Variants in CARD14 observed in about 807,000 individuals in gnomAD.
CARD14 encodes caspase recruitment domain-containing protein 14.
Under a neutral mutation model 111.5 loss-of-function variants are expected in CARD14, and 107 were observed. The ratio of observed to expected loss-of-function variants is 0.96; its 90% CI spans 0.82 to 1.13. The LOEUF (loss-of-function observed/expected upper bound fraction) is 1.13. CARD14 is among the 50% of genes most tolerant of loss of function. The pLI is 0.00. For synonymous variants in CARD14, 617 were observed against 579.6 expected (o/e 1.06, Z -0.93); for missense variants, 1,322 against 1,362.3 (o/e 0.97, Z 0.47).
At chr17:80,207,350 A>G (rs2041384429) in intron 23 of CARD14, among the ~76,000 whole-genome samples, 1 of 152,248 alleles carries the variant, frequency 6.6e-6, no homozygotes. Flanking sequence ...CAGCAGTTCG[A>G]GACCAGCCTG....
chr17:80,206,145 C>T (rs527601968), intron 22 of CARD14, among the ~76,000 whole-genome samples: 3 of 152,322 alleles, frequency 2.0e-5, no homozygotes, highest in South Asian at 4.1e-4. Flanking sequence ...ACTCTTAATA[C>T]TGCATAGCAC....
At chr17:80,193,138 G>A (rs534158306) in intron 12 of CARD14, among the ~76,000 whole-genome samples, 9 of 152,332 alleles carry the variant, frequency 5.9e-5, no homozygotes, top group Non-Finnish European at 1.0e-4. Context: ...CAGGGTACCC[G>A]TCTGGAAATC....
rs181884712 is a variant in CARD14, at chr17:80,180,639, C to T, written c.-20-780C>T. 2.1e-3 allele frequency among the ~76,000 whole-genome samples: 318 copies of T among 152,256 alleles called. 3 individuals carry two copies. Among genetic ancestry groups the T allele is most frequent in the Non-Finnish European group, 2.4e-4 (16 of 68,012 alleles). On this transcript the variant is annotated intron_variant, in intron 4 of 23. Transcript: ENST00000648509. ...TTGCCCAGGCTGGAGTGCAGTGGCACGATCTCGGCTCTAGAGAAGCCGACA... is the reference window on the plus strand; with the variant it reads ...TTGCCCAGGCTGGAGTGCAGTGGCATGATCTCGGCTCTAGAGAAGCCGACA...
chr17:80,177,791 C>T (rs1246179732), intron 2 of CARD14, among the ~76,000 whole-genome samples: 2 of 152,038 alleles, frequency 1.3e-5, no homozygotes, highest in African/African-American at 4.8e-5. Flanking sequence ...GCAATCTGCC[C>T]GCCTTGGCCT....
At position 80,191,368 on chromosome 17, in the gene CARD14, C is replaced by G. The variant is rs1334294024; in HGVS notation, c.1135C>G (p.Leu379Val). The G allele has an allele frequency of 6.2e-7, 1 of 1,613,788 alleles. No homozygotes were observed. The highest frequency in any genetic ancestry group is 8.5e-7 in the Non-Finnish European group (1 of 1,179,984). The change falls in exon 11 of 24, where the codon CTG becomes GTG. Residue 379 changes from leucine to valine, a missense_variant. Coordinates refer to ENST00000648509, the MANE Select transcript of CARD14 (RefSeq NM_001366385.1). ...TGCTCAGAGGGAGATTTCCCAGAGC[C>G]TGGTGGAGAAGGACTCCCTCCGCAG... ...DSAQREISQSLVEKDSLRRQV... is the reference protein window; with the variant it reads ...DSAQREISQSVVEKDSLRRQV...
chr17:80,184,189 T>A lies in CARD14; in HGVS notation c.626T>A (p.Leu209Gln), dbSNP rs2040266502. ...CTCTCGCTGCACTATAGCAATGCGC[T>A]GCAGGAGAAGGAGCTGGCCGCCTCA... ...LSLSLHYSNA[L>Q]QEKELAASRC... Residue 209 changes from leucine (L) to glutamine (Q), a missense_variant, in exon 7 of 24, where the codon CTG (leucine) becomes CAG (glutamine). Transcript: ENST00000648509. The A allele has an allele frequency of 1.3e-6, 2 of 1,559,166 alleles. No individual in the cohort carries two copies. Among genetic ancestry groups the A allele is most frequent in the South Asian group, 2.4e-5 (2 of 84,046 alleles).
Position 80,191,520 on chromosome 17 carries a change from G to A in CARD14, c.1239+48G>A, listed in dbSNP as rs1161837127. ...AGCTGGAGGCCAGGCAGGGGCTGCG[G>A]TGACAGTGGGACAGAGCTGGGCTCC... On this transcript the variant is annotated intron_variant, in intron 11 of 23. Transcript: ENST00000648509. 3.1e-6 allele frequency: 5 copies of A among 1,594,512 alleles called. No individual in the cohort carries two copies. The African/African-American group carries it at 6.7e-5, about 21-fold the overall frequency.
At chr17:80,185,298 C>T (rs1350659147) in intron 7 of CARD14, among the ~76,000 whole-genome samples, 2 of 152,126 alleles carry the variant, frequency 1.3e-5, no homozygotes, top group Non-Finnish European at 2.9e-5. Flanking sequence ...GCGATCCTCC[C>T]ACCTCGGCCT....
In CARD14 at chr17:80,195,660, C is replaced by T. The variant is rs370923378; in HGVS notation, c.1594+8C>T. On this transcript the variant is annotated splice_region_variant and intron_variant, in intron 14 of 23. Coordinates refer to ENST00000648509, the MANE Select transcript of CARD14 (RefSeq NM_001366385.1). The surrounding 1 kb of genome is among the most constrained non-coding windows in gnomAD (Gnocchi z 4.7). ...AGCTCCTAGACACGGCAGGTGAGCA[C>T]GCCCAACCCTGAACCTCCACAGCAG... The T allele has an allele frequency of 2.6e-5, 42 of 1,608,590 alleles. No individual in the cohort carries two copies. The Admixed American group carries it at 3.5e-4, about 14-fold the overall frequency.
chr17:80,189,707 G>A lies in CARD14; in HGVS notation c.844-46G>A. On this transcript the variant is annotated intron_variant, in intron 8 of 23. Coordinates refer to ENST00000648509, the MANE Select transcript of CARD14 (RefSeq NM_001366385.1). This position sits in a 1 kb window ranked among gnomAD's most constrained non-coding sequence, Gnocchi z 4.7. Reference sequence around the variant, plus strand: ...TCGGGATTCTGCTTGCCTAGGGCAGGCCTCTGGGGAAGCCAGCACCCCAGG... The same window carrying A: ...TCGGGATTCTGCTTGCCTAGGGCAGACCTCTGGGGAAGCCAGCACCCCAGG... 1 of 1,495,108 alleles carries A rather than the reference G, an allele frequency of 6.7e-7. No homozygotes were observed. The highest frequency in any genetic ancestry group is 1.5e-5 in the African/African-American group (1 of 68,580). 92.6% of individuals were successfully genotyped at this position (1,495,108 alleles called of 1,614,324 possible). A position where few individuals can be genotyped will look rare whatever the true frequency, so the allele number is the denominator to read the frequency against.
Position 80,190,758 on chromosome 17 carries a change from G to A in CARD14, c.964-16G>A. ...AGCTGCTGAGCTTCACGGTCCATGT[G>A]TCCCACTCTGTCCAGTACTGGGAAG... On this transcript the variant is annotated splice_polypyrimidine_tract_variant and intron_variant, in intron 9 of 23. Transcript: ENST00000648509. The A allele has an allele frequency of 6.2e-7, 1 of 1,613,882 alleles. No individual in the cohort carries two copies. The highest frequency in any genetic ancestry group is 8.5e-7 in the Non-Finnish European group (1 of 1,179,882).
At chr17:80,178,213 A>C (rs532891260) in intron 2 of CARD14, among the ~76,000 whole-genome samples, 2 of 152,140 alleles carry the variant, frequency 1.3e-5, no homozygotes, top group Non-Finnish European at 2.9e-5. Context: ...CCCTGTGGGG[A>C]GCCGCAGACA....
In CARD14 at chr17:80,195,359, A is replaced by G. The variant is rs1157769554; in HGVS notation, c.1499+26A>G. The G allele has an allele frequency of 6.3e-7, 1 of 1,594,564 alleles. No individual in the cohort carries two copies. The highest frequency in any genetic ancestry group is 1.3e-5 in the African/African-American group (1 of 74,610). Reference sequence around the variant, plus strand: ...GTAGAGCACTGGGGTCCTTCCTGGCACTGGGGTGGCACTGGGGTCCTTCCT... The same window carrying G: ...GTAGAGCACTGGGGTCCTTCCTGGCGCTGGGGTGGCACTGGGGTCCTTCCT... On this transcript the variant is annotated intron_variant, in intron 13 of 23. Transcript: ENST00000648509. This position sits in a 1 kb window ranked among gnomAD's most constrained non-coding sequence, Gnocchi z 4.7.
chr17:80,172,198 C>G (rs1040459072), intron 1 of CARD14, among the ~76,000 whole-genome samples: 1 of 152,252 alleles, frequency 6.6e-6, no homozygotes, highest in African/African-American at 2.4e-5. Context: ...ATCACAAGGC[C>G]ATTGGCCCCA....
chr17:80,179,071 T>G (rs1438346160), intron 3 of CARD14, 33 bp from the exon 4 acceptor site: 1 of 152,096 alleles, frequency 6.6e-6, no homozygotes, highest in Non-Finnish European at 1.5e-5. Context: ...AGATGACAGG[T>G]GTTGATTTGC....
In CARD14 at chr17:80,202,421, G is replaced by A. The variant is rs952937101; in HGVS notation, c.2219+1G>A. On this transcript the variant is annotated splice_donor_variant, in intron 18 of 23. Transcript: ENST00000648509. LOFTEE classifies it high-confidence loss of function. The stretch of plus-strand genomic sequence containing the variant: ...ACGGCACCATCCCCAACTACTCCAG[G>A]TGAGCAGCTGCCTCGAGCTCGGTGC... 1 of 1,608,992 alleles carries A rather than the reference G, an allele frequency of 6.2e-7. No individual in the cohort carries two copies. The highest frequency in any genetic ancestry group is 8.5e-7 in the Non-Finnish European group (1 of 1,176,912).
chr17:80,191,113 A>G (rs2040512686), intron 10 of CARD14, among the ~76,000 whole-genome samples: 1 of 152,220 alleles, frequency 6.6e-6, no homozygotes, highest in South Asian at 2.1e-4. Context: ...TTCCTGGTAC[A>G]TGACACTGAG....
At chr17:80,183,038 C>A (rs1349253141) in intron 6 of CARD14, among the ~76,000 whole-genome samples, 1 of 152,184 alleles carries the variant, frequency 6.6e-6, no homozygotes, top group African/African-American at 2.4e-5. Context: ...CAAAAGGAGA[C>A]CCCTGAGCGG....
rs1490585378 is a variant in CARD14 at position 80,201,638 on chromosome 17, G to A, written c.1852-106G>A. 5.1e-5 allele frequency: 62 copies of A among 1,208,182 alleles called. No homozygotes were observed. In the East Asian group the frequency reaches 1.0e-3, roughly 20 times the overall value. The allele number at this position is 1,208,182 out of a possible 1,614,324, so 74.8% of individuals were successfully genotyped here. A position where few individuals can be genotyped will look rare whatever the true frequency, so the allele number is the denominator to read the frequency against. On this transcript the variant is annotated intron_variant, in intron 16 of 23. Transcript: ENST00000648509. This position sits in a 1 kb window ranked among gnomAD's most constrained non-coding sequence, Gnocchi z 5.0. ...CAAGGCGTGCAGGCAGTGGTCCTAC[G>A]GCAGGGCTGGCCCGCGCCTCGCCTC...
Sources: gnomAD v4.1 joint callset for allele counts (sites outside exome capture counted in the v4.1 genomes callset) on GRCh38, gnomAD v4.1.1 for gene constraint, Gnocchi (gnomAD v3.1) non-coding constraint, MANE v1.5 for transcripts, NCBI Gene and HGNC (gene_info 2026-07-23, HGNC 2026-07-21) for gene names.